Variants in LUC7L observed in about 807,000 individuals in gnomAD.
LUC7L encodes LUC7 like.
In LUC7L, 29 loss-of-function variants were observed where a neutral mutation model predicts 51.1. The ratio of observed to expected loss-of-function variants is 0.57; its 90% CI spans 0.42 to 0.77. LUC7L has a LOEUF of 0.77. Among genes scored for constraint, LUC7L ranks in the 30% least tolerant of loss-of-function variants. The pLI, the probability that LUC7L is intolerant of heterozygous loss-of-function variation, is 0.00. For synonymous variants in LUC7L, 181 were observed against 180.7 expected (o/e 1.00, Z -0.01); for missense variants, 403 against 511.9 (o/e 0.79, Z 2.05).
At chr16:190,708 C>A (rs571319105) in intron 7 of LUC7L, 138 bp from the exon 8 acceptor site, 4 of 742,062 alleles carry the variant, frequency 5.4e-6, no homozygotes, top group Non-Finnish European at 9.4e-6. Context: ...GGTGAAACCC[C>A]GTCTCTACTG....
intron 8 of LUC7L, 38 bp from the exon 9 acceptor site, chr16:190,173 G>C: frequency 6.4e-7 from 1 of 1,571,316 alleles, no homozygotes; most frequent in Non-Finnish European, 8.7e-7. Flanking sequence ...AGACTCTATA[G>C]GTGCCAACAC....
chr16:211,593 C>G (rs763590275), intron 3 of LUC7L, among the ~76,000 whole-genome samples: 1 of 152,164 alleles, frequency 6.6e-6, no homozygotes, highest in Non-Finnish European at 1.5e-5. Flanking sequence ...TAGCCTGTTT[C>G]TTAAAAGAGC....
chr16:209,476 C>G (rs1309663131), intron 3 of LUC7L: 6 of 110,474 alleles, frequency 5.4e-5, no homozygotes, highest in Non-Finnish European at 1.0e-4. Context: ...GGCAACAGAG[C>G]AAGATTCCAT....
intron 3 of LUC7L, 26 bp downstream of exon 3, chr16:220,623 A>G: frequency 6.6e-7 from 1 of 1,526,478 alleles, no homozygotes; most frequent in Non-Finnish European, 9.1e-7. Context: ...CGCAGTAGGA[A>G]TAAATCAACA....
Position 189,351 on chromosome 16 carries a change from G to A in LUC7L, c.975-12C>T. On this transcript the variant is annotated splice_polypyrimidine_tract_variant and intron_variant, in intron 9 of 9. Transcript: ENST00000293872. ...GCTCTCTGGAGAACCTGGGAAATGG[G>A]AACCAGAGGCTCAGTGGAGGCTGCT... 3 of 1,603,246 alleles carry A rather than the reference G, an allele frequency of 1.9e-6. No individual in the cohort carries two copies. The highest frequency in any genetic ancestry group is 2.6e-6 in the Non-Finnish European group (3 of 1,175,626).
At chr16:226,516 T>C (rs118004149) in intron 2 of LUC7L, among the ~76,000 whole-genome samples, 2,620 of 152,336 alleles carry the variant, frequency 0.017, 29 homozygotes, top group Non-Finnish European at 0.023. Flanking sequence ...TAGGGTTCTA[T>C]ATTCATTAGA....
intron 5 of LUC7L, 75 bp downstream of exon 5, chr16:205,929 G>T: frequency 6.6e-7 from 1 of 1,513,308 alleles, no homozygotes; most frequent in Non-Finnish European, 9.0e-7. Context: ...GCAAGCATGG[G>T]CTCAATTAAT....
intron 6 of LUC7L, among the ~76,000 whole-genome samples, chr16:197,020 G>A (rs1209983646): frequency 1.4e-5 from 2 of 147,710 alleles, no homozygotes; most frequent in African/African-American, 5.0e-5. Flanking sequence ...CCATTCTCCT[G>A]CCTCGGCCTC....
chr16:196,516 C>T (rs539180660), intron 6 of LUC7L, among the ~76,000 whole-genome samples: 1 of 123,424 alleles, frequency 8.1e-6, no homozygotes, highest in South Asian at 2.6e-4. Context: ...GTAACATTTC[C>T]AGTGGCTAAC....
chr16:219,033 G>C (rs759986395), intron 3 of LUC7L, among the ~76,000 whole-genome samples: 26 of 151,452 alleles, frequency 1.7e-4, no homozygotes, highest in Admixed American at 9.2e-4. Flanking sequence ...AAGAGGTCAA[G>C]GTTACAGCAA....
intron 2 of LUC7L, among the ~76,000 whole-genome samples, chr16:223,059 G>C (rs920284173): frequency 1.3e-5 from 2 of 151,004 alleles, no homozygotes; most frequent in African/African-American, 4.9e-5. Context: ...CAGTCTCATA[G>C]AAAGCATGTA....
At chr16:227,960 C>A in intron 1 of LUC7L, 1 of 1,030,060 alleles carries the variant, frequency 9.7e-7, no homozygotes, top group South Asian at 3.5e-5. Flanking sequence ...AGTCAATACA[C>A]ACTGTGAGCT....
chr16:201,644 T>G (rs2049334109), intron 5 of LUC7L, among the ~76,000 whole-genome samples: 1 of 151,984 alleles, frequency 6.6e-6, no homozygotes, highest in African/African-American at 2.4e-5. Context: ...TATCACCATG[T>G]TAGCCAGGAT....
At chr16:212,553 G>A (rs1305095356) in intron 3 of LUC7L, among the ~76,000 whole-genome samples, 1 of 152,132 alleles carries the variant, frequency 6.6e-6, no homozygotes, top group Non-Finnish European at 1.5e-5. Context: ...CTAGAAAAAT[G>A]TCACTCTTAT....
chr16:228,709 T>C, intron 1 of LUC7L: 1 of 1,209,656 alleles, frequency 8.3e-7, no homozygotes. Flanking sequence ...ACCTAACGAC[T>C]GTCAAGCGCT....
chr16:190,509 T>G (rs372816280), intron 8 of LUC7L, 32 bp downstream of exon 8: 2 of 1,609,910 alleles, frequency 1.2e-6, no homozygotes, highest in East Asian at 2.2e-5. Flanking sequence ...AAAAAAAAAT[T>G]TGAGAACATT....
At chr16:218,806 C>A (rs2049882853) in intron 3 of LUC7L, among the ~76,000 whole-genome samples, 1 of 151,296 alleles carries the variant, frequency 6.6e-6, no homozygotes, top group African/African-American at 2.4e-5. Context: ...AATGAATTTA[C>A]TGGCCAGGCA....
rs141363046 is a variant in LUC7L, at chr16:223,168, G to A, written c.157-2421C>T. ...AGGTCAGGAGATCAAGACCATCCTG[G>A]CCAACACAGTGAAACCCCTTCTCTA... On this transcript the variant is annotated intron_variant, in intron 2 of 9. Coordinates refer to ENST00000293872, the MANE Select transcript of LUC7L (RefSeq NM_201412.3). Among the ~76,000 whole-genome samples the A allele has an allele frequency of 7.0e-3, 1,063 of 151,036 alleles. 16 individuals are homozygous for A. Among genetic ancestry groups the A allele is most frequent in the African/African-American group, 0.025 (1,023 of 41,186 alleles).
At chr16:212,293 C>T (rs2049666148) in intron 3 of LUC7L, among the ~76,000 whole-genome samples, 1 of 151,974 alleles carries the variant, frequency 6.6e-6, no homozygotes. Context: ...AACTCCATCT[C>T]AAAAAACACA....
Sources: gnomAD v4.1 joint callset for allele counts (sites outside exome capture counted in the v4.1 genomes callset) on GRCh38, gnomAD v4.1.1 for gene constraint, MANE v1.5 for transcripts, NCBI Gene and HGNC (gene_info 2026-07-23, HGNC 2026-07-21) for gene names.